Variants in ALKBH6 observed in about 807,000 individuals in gnomAD.
ALKBH6 encodes alkB homolog 6, nucleotide demethylase, also known as probable RNA/DNA demethylase ALKBH6.
Under a neutral mutation model 25.1 loss-of-function variants are expected in ALKBH6, and 20 were observed. That is an observed-to-expected ratio of 0.80 (90% confidence interval 0.56 to 1.16). The LOEUF is 1.16. Ranked by LOEUF, ALKBH6 falls within the 50% of genes most tolerant of loss-of-function variation. The pLI, the probability that ALKBH6 is intolerant of heterozygous loss-of-function variation, is 0.00. For missense variants in ALKBH6, 263 were observed against 326.5 expected, an observed-to-expected ratio of 0.81 and a Z score of 1.50; for synonymous variants, 156 against 147.5, an observed-to-expected ratio of 1.06 and a Z score of -0.42.
In ALKBH6 at chr19:36,010,271, C is replaced by T. The variant is rs1429850763; in HGVS notation, c.453+296G>A. 1.9e-5 allele frequency: 7 copies of T among 362,774 alleles called. No individual in the cohort carries two copies. Among genetic ancestry groups the T allele is most frequent in the Admixed American group, 4.3e-5 (1 of 23,086 alleles). 22.5% of individuals were successfully genotyped at this position (362,774 alleles called of 1,614,324 possible). On this transcript the variant is annotated intron_variant, in intron 6 of 6. Transcript: ENST00000378875. The surrounding 1 kb of genome is among the most constrained non-coding windows in gnomAD (Gnocchi z 5.5). ...GCATCTGGGAGGAGGTGAGGCCCCC[C>T]GAGTTAATGGCGGTGGGGTATCTAA... is the stretch of plus-strand genomic sequence containing the variant.
Position 36,009,285 on chromosome 19 carries a change from G to T in ALKBH6, c.*5C>A. ...TGGGAATCCGAGGGGTCCCGGCCCTGGCGGTCACTTGCCCAGCAGGAGGCC... is the reference window on the plus strand; with the variant it reads ...TGGGAATCCGAGGGGTCCCGGCCCTTGCGGTCACTTGCCCAGCAGGAGGCC... On this transcript the variant is annotated 3_prime_UTR_variant, in exon 7 of 7. Coordinates refer to ENST00000378875, the MANE Select transcript of ALKBH6 (RefSeq NM_032878.5). The T allele has an allele frequency of 7.4e-7, 1 of 1,349,120 alleles. No homozygotes were observed. Among genetic ancestry groups the T allele is most frequent in the Non-Finnish European group, 9.5e-7 (1 of 1,049,850 alleles). 83.6% of individuals were successfully genotyped at this position (1,349,120 alleles called of 1,614,324 possible). A position where few individuals can be genotyped will look rare whatever the true frequency, so the allele number is the denominator to read the frequency against.
chr19:36,014,085 C>T (rs572609739), intron 1 of ALKBH6, 90 bp downstream of exon 1: 4 of 1,582,822 alleles, frequency 2.5e-6, no homozygotes, highest in East Asian at 2.4e-5. Context: ...AGCTCTGAGC[C>T]TCCTCGGACT....
chr19:36,013,204 G>T lies in ALKBH6; in HGVS notation c.55-115C>A. ...CTCAGGATGTCCTCAGACAGGTCAG[G>T]GTCTAAAGTCAAGGGACCAGTGCCA... On this transcript the variant is annotated intron_variant, in intron 2 of 6. Coordinates refer to ENST00000378875, the MANE Select transcript of ALKBH6 (RefSeq NM_032878.5). This position sits in a 1 kb window ranked among gnomAD's most constrained non-coding sequence, Gnocchi z 4.6. 6.9e-7 allele frequency: 1 copy of T among 1,440,210 alleles called. No homozygotes were observed. The highest frequency in any genetic ancestry group is 9.7e-7 in the Non-Finnish European group (1 of 1,028,696). The allele number at this position is 1,440,210 out of a possible 1,614,324, so 89.2% of individuals were successfully genotyped here. A position where few individuals can be genotyped will look rare whatever the true frequency, so the allele number is the denominator to read the frequency against.
At chr19:36,014,238 G>A (rs1271897698), upstream of ALKBH6, 1 of 1,608,504 alleles carries the variant, frequency 6.2e-7, no homozygotes, top group Non-Finnish European at 8.5e-7. Context: ...AGCCATTTCC[G>A]CCCCACATTA....
rs1413950606 is a variant in ALKBH6 at position 36,013,575 on chromosome 19, C to T, written c.-25-153G>A. 2.8e-6 allele frequency: 4 copies of T among 1,443,512 alleles called. No individual in the cohort carries two copies. Among genetic ancestry groups the T allele is most frequent in the African/African-American group, 1.4e-5 (1 of 70,248 alleles). The allele number at this position is 1,443,512 out of a possible 1,614,324, so 89.4% of individuals were successfully genotyped here. ...TCTGAGTCTTCAGCATCTTACAAGCCACACAGAGAGCCCCTACGTTCCATG... is the reference window on the plus strand; with the variant it reads ...TCTGAGTCTTCAGCATCTTACAAGCTACACAGAGAGCCCCTACGTTCCATG... On this transcript the variant is annotated intron_variant, in intron 1 of 6. Transcript: ENST00000378875. This position sits in a 1 kb window ranked among gnomAD's most constrained non-coding sequence, Gnocchi z 4.6.
chr19:36,011,399 C>T lies in ALKBH6; in HGVS notation c.184+5G>A, dbSNP rs1432700376. On this transcript the variant is annotated splice_donor_5th_base_variant and intron_variant, in intron 4 of 6. Coordinates refer to ENST00000378875, the MANE Select transcript of ALKBH6 (RefSeq NM_032878.5). ...TCACTCCTGCCCCCAGCCAGGGATACTTACCCCAGTTCTGTAACTTTCTCC... is the reference window on the plus strand; with the variant it reads ...TCACTCCTGCCCCCAGCCAGGGATATTTACCCCAGTTCTGTAACTTTCTCC... 15 of 1,612,600 alleles carry T rather than the reference C, an allele frequency of 9.3e-6. No individual in the cohort carries two copies. Among genetic ancestry groups the T allele is most frequent in the Non-Finnish European group, 1.3e-5 (15 of 1,179,866 alleles).
Position 36,013,765 on chromosome 19 carries a change from C to G in ALKBH6, c.-25-343G>C. The G allele has an allele frequency of 7.8e-7, 1 of 1,278,492 alleles. No individual in the cohort carries two copies. The highest frequency in any genetic ancestry group is 9.9e-7 in the Non-Finnish European group (1 of 1,008,962). The allele number at this position is 1,278,492 out of a possible 1,614,324, so 79.2% of individuals were successfully genotyped here. On this transcript the variant is annotated intron_variant, in intron 1 of 6. Coordinates refer to ENST00000378875, the MANE Select transcript of ALKBH6 (RefSeq NM_032878.5). This position sits in a 1 kb window ranked among gnomAD's most constrained non-coding sequence, Gnocchi z 4.6. ...TACACATAGCCCCCAGGGCTGCACT[C>G]CAGAGCCCCTTTAAACACCTTGAGA...
In ALKBH6 at chr19:36,013,608, A is replaced by C; in HGVS notation, c.-25-186T>G. The C allele has an allele frequency of 7.1e-7, 1 of 1,417,476 alleles. No individual in the cohort carries two copies. The highest frequency in any genetic ancestry group is 9.2e-7 in the Non-Finnish European group (1 of 1,087,502). 87.8% of individuals were successfully genotyped at this position (1,417,476 alleles called of 1,614,324 possible). A position where few individuals can be genotyped will look rare whatever the true frequency, so the allele number is the denominator to read the frequency against. ...GAGCCCCTACGTTCCATGCCCGGAC[A>C]CAATGAGCCCCAAGAATAATCCCCC... is the stretch of plus-strand genomic sequence containing the variant. On this transcript the variant is annotated intron_variant, in intron 1 of 6. Transcript: ENST00000378875. This position sits in a 1 kb window ranked among gnomAD's most constrained non-coding sequence, Gnocchi z 4.6.
At chr19:36,009,589 A>C in intron 6 of ALKBH6, 36 bp from the exon 7 acceptor site, 7 of 174,018 alleles carry the variant, frequency 4.0e-5, no homozygotes, top group Middle Eastern at 1.2e-3. Flanking sequence ...GGGCTCAAGA[A>C]GTCGGGGGGT....
At position 36,010,742 on chromosome 19, in the gene ALKBH6, T is replaced by A; in HGVS notation, c.337-59A>T. 1 of 1,580,502 alleles carries A rather than the reference T, an allele frequency of 6.3e-7. No homozygotes were observed. The highest frequency in any genetic ancestry group is 8.7e-7 in the Non-Finnish European group (1 of 1,151,494). ...GAGTCCACAACCCCCACCCTCTGGGTCAAAGGGGGGCTTCCCAAGCCAGGG... is the reference window on the plus strand; with the variant it reads ...GAGTCCACAACCCCCACCCTCTGGGACAAAGGGGGGCTTCCCAAGCCAGGG... On this transcript the variant is annotated intron_variant, in intron 5 of 6. Coordinates refer to ENST00000378875, the MANE Select transcript of ALKBH6 (RefSeq NM_032878.5). The surrounding 1 kb of genome is among the most constrained non-coding windows in gnomAD (Gnocchi z 5.5).
At chr19:36,014,115 G>A in intron 1 of ALKBH6, 60 bp downstream of exon 1, 1 of 1,602,724 alleles carries the variant, frequency 6.2e-7, no homozygotes, top group Non-Finnish European at 8.5e-7. Context: ...GGCTCCCCCG[G>A]ATCCCCACTT....
intron 4 of ALKBH6, 99 bp from the exon 5 acceptor site, chr19:36,011,144 C>G (rs1968600705): frequency 6.7e-7 from 1 of 1,485,488 alleles, no homozygotes; most frequent in East Asian, 2.5e-5. Context: ...TCTCAGGGAC[C>G]CCTGACCGTT....
chr19:36,012,280 C>T (rs1287904059), intron 3 of ALKBH6: 1 of 151,906 alleles, frequency 6.6e-6, no homozygotes, highest in Non-Finnish European at 1.5e-5. Context: ...CTCAGCACAG[C>T]AAAGAAAGTA....
At position 36,014,169 on chromosome 19, in the gene ALKBH6, A is replaced by G; in HGVS notation, c.-26+6T>C. On this transcript the variant is annotated splice_donor_region_variant and intron_variant, in intron 1 of 6. Transcript: ENST00000378875. ...ATCTCTACCCCCAGCACTCCCCAAA[A>G]CTGACCGTCCACCAGCGTCCCCTCC... is the stretch of plus-strand genomic sequence containing the variant. 6.2e-7 allele frequency: 1 copy of G among 1,611,690 alleles called. No homozygotes were observed. The highest frequency in any genetic ancestry group is 8.5e-7 in the Non-Finnish European group (1 of 1,178,922).
rs897640525 is a variant in ALKBH6 at position 36,013,869 on chromosome 19, C to G, written c.-26+306G>C. 21 of 1,319,928 alleles carry G rather than the reference C, an allele frequency of 1.6e-5. No homozygotes were observed. In the Middle Eastern group the frequency reaches 1.1e-3, roughly 72 times the overall value. 81.8% of individuals were successfully genotyped at this position (1,319,928 alleles called of 1,614,324 possible). ...GCCCCCCACCGAATCCCATTCTGTG[C>G]ACTCCTGTGACCCCAATCTGAGCCT... On this transcript the variant is annotated intron_variant, in intron 1 of 6. Coordinates refer to ENST00000378875, the MANE Select transcript of ALKBH6 (RefSeq NM_032878.5). The surrounding 1 kb of genome is among the most constrained non-coding windows in gnomAD (Gnocchi z 4.6).
Position 36,009,435 on chromosome 19 carries a change from G to A in ALKBH6, c.572C>T (p.Ala191Val). 8.0e-7 allele frequency: 1 copy of A among 1,245,120 alleles called. No individual in the cohort carries two copies. 77.1% of individuals were successfully genotyped at this position (1,245,120 alleles called of 1,614,324 possible). A position where few individuals can be genotyped will look rare whatever the true frequency, so the allele number is the denominator to read the frequency against. Reference sequence around the variant, plus strand: ...GGGCGGCGAGGAGGCGGCGTCCAGCGCGTCTACGCGGGCGGCGGCGATGCC... The same window carrying A: ...GGGCGGCGAGGAGGCGGCGTCCAGCACGTCTACGCGGGCGGCGGCGATGCC... Reference protein sequence around the residue: ...LHGIAAARVDALDAASSPPNA... With the variant: ...LHGIAAARVDVLDAASSPPNA... Residue 191 changes from alanine to valine, a missense_variant, in exon 7 of 7, where the codon GCG becomes GTG. By Grantham distance (64) the Ala-to-Val change is moderately conservative (BLOSUM62 0). Around this residue, in one of 3 missense-constraint regions of ALKBH6, gnomAD observed 148 missense variants for 157.5 expected, o/e 0.94. Transcript: ENST00000378875.
intron 1 of ALKBH6, 59 bp downstream of exon 1, chr19:36,014,116 A>G: frequency 1.2e-6 from 2 of 1,602,946 alleles, no homozygotes; most frequent in Admixed American, 1.7e-5. Flanking sequence ...GCTCCCCCGG[A>G]TCCCCACTTT....
chr19:36,013,720 G>GC lies in ALKBH6; in HGVS notation c.-25-299_-25-298insG. On this transcript the variant is annotated intron_variant, in intron 1 of 6. Coordinates refer to ENST00000378875, the MANE Select transcript of ALKBH6 (RefSeq NM_032878.5). The surrounding 1 kb of genome is among the most constrained non-coding windows in gnomAD (Gnocchi z 4.6). ...GAACATTCTCTGGCCCCACACACAG[G>GC]GAGCCTTTCTCAAAAGCTCTACACA... 1.6e-6 allele frequency: 2 copies of GC among 1,225,736 alleles called. No individual in the cohort carries two copies. The highest frequency in any genetic ancestry group is 4.1e-5 in the East Asian group (1 of 24,330). 75.9% of individuals were successfully genotyped at this position (1,225,736 alleles called of 1,614,324 possible). A position where few individuals can be genotyped will look rare whatever the true frequency, so the allele number is the denominator to read the frequency against.
chr19:36,009,592 CG>C (rs1204711897), intron 6 of ALKBH6, 39 bp from the exon 7 acceptor site: 27 of 107,732 alleles, frequency 2.5e-4, no homozygotes, highest in Middle Eastern at 1.7e-3. Context: ...CTCAAGAAGT[CG>C]GGGGGTGGGG....
Sources: gnomAD v4.1 joint callset for allele counts on GRCh38, gnomAD v4.1.1 for gene constraint, gnomAD v4.1.1 regional missense constraint, Gnocchi (gnomAD v3.1) non-coding constraint, MANE v1.5 for transcripts, NCBI Gene and HGNC (gene_info 2026-07-23, HGNC 2026-07-21) for gene names.